MITF: variants seen among roughly 807,000 people sequenced by gnomAD.
The protein encoded by MITF is melanocyte inducing transcription factor.
MITF carries 17 observed loss-of-function variants against 60.5 expected under a neutral mutation model. The observed-to-expected ratio is 0.28, with a 90% CI of 0.19 to 0.42. The LOEUF is 0.42. Ranked by LOEUF, MITF falls within the 10% of genes least tolerant of loss-of-function variation. MITF has a pLI of 1.00. For missense variants in MITF, 622 were observed against 683.5 expected (o/e 0.91, Z 1.00); for synonymous variants, 260 against 248.5 (o/e 1.05, Z -0.43).
rs534565388 is a variant in MITF at position 69,943,871 on chromosome 3, A to G, written c.762+2540A>G. ...TTTGGGAGGCTGAGGCAGGAGGATC[A>G]CTTGAGACCAGGAGTTGGAGATCAG... On this transcript the variant is annotated intron_variant, in intron 5 of 9. Transcript: ENST00000352241. Among the ~76,000 whole-genome samples, 18 of 152,222 alleles carry G rather than the reference A, an allele frequency of 1.2e-4. No homozygotes were observed. In the South Asian group the frequency reaches 3.5e-3, roughly 30 times the overall value.
At chr3:69,790,077 G>A (rs1017208093) in intron 1 of MITF, among the ~76,000 whole-genome samples, 3 of 152,172 alleles carry the variant, frequency 2.0e-5, no homozygotes, top group Non-Finnish European at 2.9e-5. Flanking sequence ...ATACAATGGA[G>A]TATTATTCAG....
chr3:69,783,325 A>G (rs982675084), intron 1 of MITF, among the ~76,000 whole-genome samples: 2 of 152,158 alleles, frequency 1.3e-5, no homozygotes, highest in South Asian at 2.1e-4. Flanking sequence ...TAACAATGTG[A>G]TAGACTCTTC....
At chr3:69,959,028 G>T (rs1297533901) in intron 8 of MITF, among the ~76,000 whole-genome samples, 1 of 151,538 alleles carries the variant, frequency 6.6e-6, no homozygotes, top group Non-Finnish European at 1.5e-5. Context: ...GGGTGGGATG[G>T]GGGTGAGGGA....
chr3:69,872,167 G>A (rs1217700080), intron 1 of MITF, among the ~76,000 whole-genome samples: 1 of 152,130 alleles, frequency 6.6e-6, no homozygotes, highest in Non-Finnish European at 1.5e-5. Flanking sequence ...TTAAGATTGT[G>A]CCAACCCATA....
intron 1 of MITF, among the ~76,000 whole-genome samples, chr3:69,818,158 T>C (rs963996607): frequency 1.3e-5 from 2 of 152,196 alleles, no homozygotes; most frequent in Non-Finnish European, 2.9e-5. Context: ...TTTGAGTGGA[T>C]CAACTCTTAA....
At chr3:69,844,199 A>G (rs952500034) in intron 1 of MITF, among the ~76,000 whole-genome samples, 3 of 152,184 alleles carry the variant, frequency 2.0e-5, no homozygotes, top group Non-Finnish European at 4.4e-5. Context: ...TGCTGCAATA[A>G]ACATACATGT....
At chr3:69,860,090 T>C (rs1007400291) in intron 1 of MITF, among the ~76,000 whole-genome samples, 1 of 152,206 alleles carries the variant, frequency 6.6e-6, no homozygotes, top group Non-Finnish European at 1.5e-5. Context: ...CTACTCTGTT[T>C]ATATTCTAGA....
chr3:69,794,972 C>T (rs1341163212), intron 1 of MITF, among the ~76,000 whole-genome samples: 1 of 152,156 alleles, frequency 6.6e-6, no homozygotes, highest in Admixed American at 6.5e-5. Flanking sequence ...GTAGTAGGCT[C>T]TGTATGAATA....
intron 1 of MITF, among the ~76,000 whole-genome samples, chr3:69,790,129 C>T (rs1263400123): frequency 6.6e-6 from 1 of 152,100 alleles, no homozygotes; most frequent in Non-Finnish European, 1.5e-5. Context: ...CATGCTACAA[C>T]ATAGATGAAT....
chr3:69,777,868 G>C (rs2062499642), intron 1 of MITF, among the ~76,000 whole-genome samples: 1 of 152,140 alleles, frequency 6.6e-6, no homozygotes. Context: ...ATGGTAAGAA[G>C]GGTGGGCTTT....
chr3:69,743,849 C>T (rs183537190), intron 1 of MITF, among the ~76,000 whole-genome samples: 1 of 152,282 alleles, frequency 6.6e-6, no homozygotes, highest in Non-Finnish European at 1.5e-5. Flanking sequence ...TACCCAAAAA[C>T]ATTTTAAACC....
At chr3:69,761,864 G>A (rs2062217059) in intron 1 of MITF, among the ~76,000 whole-genome samples, 1 of 152,196 alleles carries the variant, frequency 6.6e-6, no homozygotes, top group South Asian at 2.1e-4. Flanking sequence ...GCTACTTGAT[G>A]ACATCAAGTT....
intron 1 of MITF, among the ~76,000 whole-genome samples, chr3:69,761,678 G>T (rs558410217): frequency 6.6e-6 from 1 of 152,342 alleles, no homozygotes; most frequent in African/African-American, 2.4e-5. Flanking sequence ...CAGCATGCCT[G>T]TCTGCATAGT....
At chr3:69,877,144 C>T (rs553127814) in intron 1 of MITF, among the ~76,000 whole-genome samples, 13 of 151,840 alleles carry the variant, frequency 8.6e-5, no homozygotes, top group Middle Eastern at 3.2e-3. Flanking sequence ...TGTAGTTGCA[C>T]AATTTAAAAA....
At chr3:69,936,946 T>A in intron 2 of MITF, 1 of 472,158 alleles carries the variant, frequency 2.1e-6, no homozygotes, top group Non-Finnish European at 3.6e-6. Flanking sequence ...TTAGTAGGAT[T>A]CTTTTTTTTT....
At chr3:69,766,679 G>T in intron 1 of MITF, among the ~76,000 whole-genome samples, 1 of 152,132 alleles carries the variant, frequency 6.6e-6, no homozygotes, top group Admixed American at 6.5e-5. Context: ...CTGTGGGTCT[G>T]TCTCCCGCTA....
At chr3:69,766,647 G>A (rs779450938) in intron 1 of MITF, among the ~76,000 whole-genome samples, 2 of 152,102 alleles carry the variant, frequency 1.3e-5, no homozygotes, top group Non-Finnish European at 2.9e-5. Context: ...ACCTATCTGT[G>A]CTGCTACCTA....
intron 1 of MITF, among the ~76,000 whole-genome samples, chr3:69,771,987 C>T (rs538358336): frequency 2.6e-4 from 40 of 152,262 alleles, no homozygotes; most frequent in East Asian, 1.9e-3. Context: ...ATTTGGAGAT[C>T]GTTGGTTTTT....
At chr3:69,764,064 C>G in intron 1 of MITF, 1 of 771,866 alleles carries the variant, frequency 1.3e-6, no homozygotes, top group Non-Finnish European at 1.8e-6. Flanking sequence ...GGCTAGATTG[C>G]TTTCTGTTTG....
Sources: allele counts gnomAD v4.1 joint callset (sites outside exome capture counted in the v4.1 genomes callset), GRCh38; gene constraint gnomAD v4.1.1; transcripts MANE v1.5; gene names NCBI Gene and HGNC (gene_info 2026-07-23, HGNC 2026-07-21).